Variants in HDAC8 observed in about 807,000 individuals in gnomAD.
The protein encoded by HDAC8 is histone deacetylase 8.
A neutral mutation model predicts 32.2 loss-of-function variants in HDAC8; 1 was observed. The ratio of observed to expected loss-of-function variants is 0.03; its 90% confidence interval spans 0.01 to 0.15. HDAC8 has a LOEUF of 0.15. HDAC8 is among the 10% of genes least tolerant of loss of function. The pLI is 1.00. For synonymous variants in HDAC8, 108 were observed against 113.9 expected, an observed-to-expected ratio of 0.95 and a Z score of 0.33; for missense variants, 117 against 300.0, an observed-to-expected ratio of 0.39 and a Z score of 4.51.
intron 7 of HDAC8, chrX:72,474,448 G>T: frequency 1.0e-6 from 1 of 1,004,384 alleles, no homozygotes; most frequent in Non-Finnish European, 1.3e-6. Context: ...CCTAACCACT[G>T]TAACAGTACT....
intron 9 of HDAC8, among the ~76,000 whole-genome samples, chrX:72,372,888 C>T (rs1250221987): frequency 9.0e-6 from 1 of 111,209 alleles, no homozygotes; most frequent in Non-Finnish European, 1.9e-5. Flanking sequence ...TAAGGATTTG[C>T]TATTATTTAT....
chrX:72,442,837 G>A (rs1459641648), intron 9 of HDAC8, among the ~76,000 whole-genome samples: 2 of 111,064 alleles, frequency 1.8e-5, no homozygotes, highest in Non-Finnish European at 3.8e-5. Flanking sequence ...AAGGATGGAG[G>A]AAGATCTACC....
chrX:72,355,971 T>C (rs559378001), intron 9 of HDAC8, among the ~76,000 whole-genome samples: 2 of 112,295 alleles, frequency 1.8e-5, no homozygotes, highest in East Asian at 5.6e-4. Flanking sequence ...AGTGGTATAA[T>C]ATTAACAATA....
intron 7 of HDAC8, chrX:72,467,859 C>A: frequency 1.2e-6 from 1 of 821,855 alleles, no homozygotes; most frequent in South Asian, 2.6e-5. Flanking sequence ...TACAGAGTGA[C>A]ACACAAGAAA....
At chrX:72,364,567 A>G (rs1228416438) in intron 9 of HDAC8, among the ~76,000 whole-genome samples, 5 of 112,174 alleles carry the variant, frequency 4.5e-5, no homozygotes, top group Admixed American at 1.9e-4. Flanking sequence ...TGTTTACTCA[A>G]AAAGTCCCAC....
At chrX:72,506,579 A>C (rs1433736854) in intron 4 of HDAC8, among the ~76,000 whole-genome samples, 1 of 111,825 alleles carries the variant, frequency 8.9e-6, no homozygotes, top group Non-Finnish European at 1.9e-5. Context: ...TATTCATGAG[A>C]TATCTGCCTC....
chrX:72,494,880 G>A (rs2048974599), intron 5 of HDAC8, among the ~76,000 whole-genome samples: 1 of 111,326 alleles, frequency 9.0e-6, no homozygotes. Flanking sequence ...CTGAGCACTG[G>A]AGTAAACACT....
intron 9 of HDAC8, among the ~76,000 whole-genome samples, chrX:72,355,450 G>C (rs529252895): frequency 1.8e-5 from 2 of 111,602 alleles, no homozygotes; most frequent in African/African-American, 6.5e-5. Context: ...CACTTCTTTT[G>C]CTTTCTGGGC....
In HDAC8 at chrX:72,351,798, G is replaced by A. The variant is rs781864686; in HGVS notation, c.1046C>T (p.Thr349Met). The change falls in exon 10 of 11, where the codon ACG becomes ATG. Residue 349 changes from threonine to methionine, a missense_variant. Thr to Met is a moderately conservative substitution (Grantham distance 81, BLOSUM62 -1). This residue lies in a region of HDAC8 where 18 missense variants were observed against 25.7 expected (regional missense o/e 0.70). Coordinates refer to ENST00000373573, the MANE Select transcript of HDAC8 (RefSeq NM_018486.3). ...ATTGCGGTCTGGCCGGCAGCTTGGC[G>A]TGATTTCCAGCACATAATCAGGACC... ...AYGPDYVLEI[T>M]PSCRPDRNEP... is the part of the protein sequence containing the mutation. The A allele has an allele frequency of 8.3e-6, 10 of 1,208,597 alleles. No individual in the cohort carries two copies. The highest frequency in any genetic ancestry group is 3.5e-5 in the African/African-American group (2 of 57,198).
intron 4 of HDAC8, among the ~76,000 whole-genome samples, chrX:72,529,942 C>T (rs782219457): frequency 2.7e-5 from 3 of 111,726 alleles, no homozygotes; most frequent in Non-Finnish European, 5.6e-5. Context: ...TCTTTTCTGC[C>T]TCCATGGTAA....
chrX:72,441,806 AT>A (rs1247543298), intron 9 of HDAC8, among the ~76,000 whole-genome samples: 3 of 111,768 alleles, frequency 2.7e-5, no homozygotes, highest in African/African-American at 9.8e-5. Context: ...AGACGAATGT[AT>A]AACTAGAATA....
intron 7 of HDAC8, among the ~76,000 whole-genome samples, chrX:72,486,666 G>A (rs2048686416): frequency 9.0e-6 from 1 of 111,596 alleles, no homozygotes; most frequent in African/African-American, 3.3e-5. Context: ...AACAGGGGAA[G>A]ACCCTGTCCA....
At chrX:72,388,749 G>C (rs1162148400) in intron 9 of HDAC8, among the ~76,000 whole-genome samples, 4 of 110,986 alleles carry the variant, frequency 3.6e-5, no homozygotes, top group Admixed American at 1.9e-4. Flanking sequence ...TAAGGTCATG[G>C]TGAAGGGGGT....
intron 9 of HDAC8, among the ~76,000 whole-genome samples, chrX:72,439,071 C>T (rs1374291407): frequency 9.0e-6 from 1 of 111,542 alleles, no homozygotes; most frequent in Non-Finnish European, 1.9e-5. Flanking sequence ...AGAGAAAGGT[C>T]GGGTTACCCA....
At chrX:72,511,432 A>C (rs1487524205) in intron 4 of HDAC8, among the ~76,000 whole-genome samples, 1 of 111,666 alleles carries the variant, frequency 9.0e-6, no homozygotes, top group East Asian at 2.8e-4. Flanking sequence ...TTCTAGTTAA[A>C]AGCACCGGCA....
chrX:72,444,650 A>G (rs1377642887), intron 9 of HDAC8, among the ~76,000 whole-genome samples: 2 of 89,697 alleles, frequency 2.2e-5, no homozygotes, highest in East Asian at 3.6e-4. Context: ...CTCTCTCACC[A>G]CTCCTATTCA....
At chrX:72,438,008 C>T (rs1379115286) in intron 9 of HDAC8, among the ~76,000 whole-genome samples, 4 of 112,262 alleles carry the variant, frequency 3.6e-5, no homozygotes, top group Non-Finnish European at 7.5e-5. Flanking sequence ...GTCAGACTGC[C>T]TCCTCAAGTG....
chrX:72,356,423 A>G (rs1196150735), intron 9 of HDAC8, among the ~76,000 whole-genome samples: 3 of 111,991 alleles, frequency 2.7e-5, no homozygotes, highest in African/African-American at 6.5e-5. Flanking sequence ...GGGCCCTGCT[A>G]AGGCATTTGG....
At chrX:72,550,545 GCACA>G (rs200244321) in intron 4 of HDAC8, among the ~76,000 whole-genome samples, 2 of 106,268 alleles carry the variant, frequency 1.9e-5, no homozygotes, top group African/African-American at 6.8e-5. Flanking sequence ...ATACATACAT[GCACA>G]CACACACACA....
Sources: allele counts gnomAD v4.1 joint callset (sites outside exome capture counted in the v4.1 genomes callset), GRCh38; gene constraint gnomAD v4.1.1; regional missense constraint gnomAD v4.1.1; transcripts MANE v1.5; gene names NCBI Gene and HGNC (gene_info 2026-07-23, HGNC 2026-07-21).